Variants in PPFIA2 observed in about 807,000 individuals in gnomAD.
PPFIA2 encodes the protein liprin-alpha-2.
In PPFIA2, 46 loss-of-function variants were observed where a neutral mutation model predicts 175.5. The observed-to-expected ratio is 0.26, with a 90% CI of 0.21 to 0.34. The LOEUF (loss-of-function observed/expected upper bound fraction) is 0.34, where lower values mean the gene tolerates loss of function less well. Among genes scored for constraint, PPFIA2 ranks in the 10% least tolerant of loss-of-function variants. The probability of loss-of-function intolerance (pLI) is 1.00; values close to 1 mark genes in which losing one functional copy is unlikely to be tolerated. For missense variants in PPFIA2, 1,179 were observed against 1,506.1 expected, an observed-to-expected ratio of 0.78 and a Z score of 3.60; for synonymous variants, 568 against 511.4, an observed-to-expected ratio of 1.11 and a Z score of -1.49.
At chr12:81,737,288 A>G (rs975948623) in intron 3 of PPFIA2, among the ~76,000 whole-genome samples, 1 of 151,928 alleles carries the variant, frequency 6.6e-6, no homozygotes, top group East Asian at 1.9e-4. Context: ...TCCTTTCAAG[A>G]TGCAGTAGCC....
intron 4 of PPFIA2, chr12:81,512,393 A>C (rs758880061): frequency 1.6e-6 from 2 of 1,280,056 alleles, no homozygotes; most frequent in South Asian, 2.5e-5. Context: ...CTACCTTCTA[A>C]ACTTTGTGAT....
At chr12:81,342,419 T>C (rs781357268) in intron 19 of PPFIA2, among the ~76,000 whole-genome samples, 1 of 152,118 alleles carries the variant, frequency 6.6e-6, no homozygotes, top group Non-Finnish European at 1.5e-5. Context: ...TTTGTTTTTA[T>C]GTAAAGCTGT....
chr12:81,750,462 G>A (rs894632370), intron 3 of PPFIA2, among the ~76,000 whole-genome samples: 1 of 108,178 alleles, frequency 9.2e-6, no homozygotes, highest in African/African-American at 2.6e-5. Flanking sequence ...CCTAAGTAAG[G>A]AGTTAGAGCA....
intron 18 of PPFIA2, 134 bp downstream of exon 18, chr12:81,347,399 T>A: frequency 1.2e-6 from 1 of 804,824 alleles, no homozygotes; most frequent in Non-Finnish European, 2.1e-6. Context: ...CATAGGGATG[T>A]TGTGAATAAG....
chr12:81,373,523 C>G (rs907539547), intron 11 of PPFIA2, among the ~76,000 whole-genome samples: 1 of 152,042 alleles, frequency 6.6e-6, no homozygotes, highest in Admixed American at 6.6e-5. Flanking sequence ...CAGAACGATC[C>G]AAATTATAAT....
At position 81,498,200 on chromosome 12, in the gene PPFIA2, C is replaced by T. The variant is rs141157626; in HGVS notation, c.304-40334G>A. On this transcript the variant is annotated intron_variant, in intron 4 of 32. Transcript: ENST00000549396. ...GAGTTCTCATATACTCTTTACTCAGCTTCACCTACTGTTTGCATCACACAT... is the reference window on the plus strand; with the variant it reads ...GAGTTCTCATATACTCTTTACTCAGTTTCACCTACTGTTTGCATCACACAT... 1.7e-3 allele frequency among the ~76,000 whole-genome samples: 258 copies of T among 152,258 alleles called. 2 individuals carry two copies. The highest frequency in any genetic ancestry group is 6.0e-3 in the African/African-American group (251 of 41,546).
At chr12:81,633,519 T>C (rs995122416) in intron 4 of PPFIA2, among the ~76,000 whole-genome samples, 2 of 151,558 alleles carry the variant, frequency 1.3e-5, no homozygotes, top group African/African-American at 4.8e-5. Context: ...TGCACTATAA[T>C]CATGGCTAGG....
At chr12:81,565,700 A>G (rs2071142960) in intron 4 of PPFIA2, among the ~76,000 whole-genome samples, 1 of 152,202 alleles carries the variant, frequency 6.6e-6, no homozygotes, top group Non-Finnish European at 1.5e-5. Context: ...TTAAACTCCC[A>G]GGAATCCTCA....
At chr12:81,315,056 T>C (rs912793346) in intron 22 of PPFIA2, among the ~76,000 whole-genome samples, 5 of 151,736 alleles carry the variant, frequency 3.3e-5, no homozygotes, top group South Asian at 2.1e-4. Context: ...TGTTAGTGTA[T>C]ATTTGGCATC....
At chr12:81,558,809 C>G (rs1197015663) in intron 4 of PPFIA2, among the ~76,000 whole-genome samples, 3 of 152,096 alleles carry the variant, frequency 2.0e-5, no homozygotes, top group African/African-American at 7.2e-5. Flanking sequence ...CCTGGGGAAG[C>G]ACACACTATA....
chr12:81,427,475 A>T lies in PPFIA2; in HGVS notation c.645+12497T>A, dbSNP rs372218154. 3.9e-5 allele frequency among the ~76,000 whole-genome samples: 6 copies of T among 152,202 alleles called. No individual in the cohort carries two copies. The South Asian group carries it at 1.2e-3, about 32-fold the overall frequency. On this transcript the variant is annotated intron_variant, in intron 7 of 32. Coordinates refer to ENST00000549396, the MANE Select transcript of PPFIA2 (RefSeq NM_003625.5). ...ACACAGTAACCTCCTCTAAAATTGCAGATGCTATTATTTTTATCAAACATG... is the reference window on the plus strand; with the variant it reads ...ACACAGTAACCTCCTCTAAAATTGCTGATGCTATTATTTTTATCAAACATG...
intron 22 of PPFIA2, among the ~76,000 whole-genome samples, chr12:81,308,576 T>C (rs1421650698): frequency 6.6e-6 from 1 of 152,208 alleles, no homozygotes; most frequent in African/African-American, 2.4e-5. Context: ...ACCTTCCTTA[T>C]TGTAAGTGTA....
In PPFIA2 at chr12:81,580,165, G is replaced by A. The variant is rs556858494; in HGVS notation, c.303+96626C>T. Among the ~76,000 whole-genome samples, 12 of 151,928 alleles carry A rather than the reference G, an allele frequency of 7.9e-5. No homozygotes were observed. The South Asian group carries it at 2.5e-3, about 32-fold the overall frequency. ...TGATATTAATAAAATAGTACTGTAA[G>A]TACACCTGTTTTGCATTCGTGCATG... On this transcript the variant is annotated intron_variant, in intron 4 of 32. Transcript: ENST00000549396.
intron 22 of PPFIA2, among the ~76,000 whole-genome samples, chr12:81,303,087 G>T (rs765051198): frequency 1.3e-5 from 2 of 152,118 alleles, no homozygotes; most frequent in African/African-American, 4.8e-5. Context: ...GCTGTTCTCC[G>T]TTCAACCTGT....
intron 4 of PPFIA2, among the ~76,000 whole-genome samples, chr12:81,606,114 T>A (rs887035315): frequency 1.3e-5 from 2 of 151,980 alleles, no homozygotes; most frequent in African/African-American, 2.4e-5. Context: ...GATTATGGCC[T>A]CCAGCTCCAT....
intron 8 of PPFIA2, among the ~76,000 whole-genome samples, chr12:81,400,546 C>G (rs2041942288): frequency 6.6e-6 from 1 of 152,108 alleles, no homozygotes; most frequent in Non-Finnish European, 1.5e-5. Flanking sequence ...ATTCTTCTAT[C>G]TGACAAGAAC....
intron 17 of PPFIA2, among the ~76,000 whole-genome samples, chr12:81,348,205 G>A (rs1460746558): frequency 6.6e-6 from 1 of 152,062 alleles, no homozygotes; most frequent in African/African-American, 2.4e-5. Flanking sequence ...ATAATTACAT[G>A]TAAATATCCC....
At chr12:81,485,504 A>T (rs1209110434) in intron 4 of PPFIA2, among the ~76,000 whole-genome samples, 1 of 151,836 alleles carries the variant, frequency 6.6e-6, no homozygotes, top group African/African-American at 2.4e-5. Flanking sequence ...TCACTCAGAT[A>T]TACAACTCTC....
chr12:81,721,218 T>C (rs1246348713), intron 3 of PPFIA2, among the ~76,000 whole-genome samples: 1 of 151,248 alleles, frequency 6.6e-6, no homozygotes, highest in East Asian at 1.9e-4. Context: ...GGAGAATCTT[T>C]CATGTTGACC....
Sources: allele counts gnomAD v4.1 joint callset (sites outside exome capture counted in the v4.1 genomes callset), GRCh38; gene constraint gnomAD v4.1.1; transcripts MANE v1.5; gene names NCBI Gene and HGNC (gene_info 2026-07-23, HGNC 2026-07-21).